The following PRDM16 variants were observed in gnomAD, a reference collection of about 807,000 sequenced individuals.
PRDM16 encodes the protein histone-lysine N-methyltransferase PRDM16.
PRDM16 carries 23 observed loss-of-function variants against 110.6 expected under a neutral mutation model. The ratio of observed to expected loss-of-function variants is 0.21; its 90% CI spans 0.15 to 0.29. The LOEUF is 0.29. Ranked by LOEUF, PRDM16 falls within the 10% of genes least tolerant of loss-of-function variation. PRDM16 has a pLI of 1.00. For missense variants in PRDM16, 1,615 were observed against 1,794.3 expected, an observed-to-expected ratio of 0.90 and a Z score of 1.81; for synonymous variants, 799 against 781.8, an observed-to-expected ratio of 1.02 and a Z score of -0.37.
chr1:3,266,172 C>T (rs1640284750), intron 3 of PRDM16, among the ~76,000 whole-genome samples: 1 of 152,218 alleles, frequency 6.6e-6, no homozygotes, highest in South Asian at 2.1e-4. Context: ...AAATGGGCTT[C>T]GCTCTTCAGC....
intron 3 of PRDM16, among the ~76,000 whole-genome samples, chr1:3,293,093 C>T (rs1255596680): frequency 1.3e-5 from 2 of 152,242 alleles, no homozygotes; most frequent in African/African-American, 2.4e-5. Flanking sequence ...GCAGGGACTG[C>T]ACCCTATTGA....
intron 3 of PRDM16, among the ~76,000 whole-genome samples, chr1:3,264,653 G>A (rs538139306): frequency 1.3e-5 from 2 of 150,158 alleles, no homozygotes; most frequent in African/African-American, 4.9e-5. Flanking sequence ...GGAGGAAAGG[G>A]GAGGGGCGTG....
rs1638843261 is a variant in PRDM16 at position 3,209,955 on chromosome 1, CGTA to C, written c.387+23483_387+23485del. On this transcript the variant is annotated intron_variant, in intron 2 of 16. Transcript: ENST00000270722. The surrounding 1 kb of genome is among the most constrained non-coding windows in gnomAD (Gnocchi z 4.6). Reference sequence around the variant, plus strand: ...AACTCTTACTTAACATGGAAAATATCGTAGCATTTTCTAGAGACATTTGCAGGA... The same window carrying C: ...AACTCTTACTTAACATGGAAAATATCGCATTTTCTAGAGACATTTGCAGGA... Among the ~76,000 whole-genome samples the C allele has an allele frequency of 6.6e-6, 1 of 152,184 alleles. No individual in the cohort carries two copies. Among genetic ancestry groups the C allele is most frequent in the South Asian group, 2.1e-4 (1 of 4,824 alleles).
chr1:3,095,821 C>T (rs1210345550), intron 1 of PRDM16, among the ~76,000 whole-genome samples: 1 of 151,990 alleles, frequency 6.6e-6, no homozygotes, highest in Non-Finnish European at 1.5e-5. Flanking sequence ...CTGGGGGCTG[C>T]TTGGGGTGCC....
At chr1:3,431,174 C>T in intron 15 of PRDM16, 66 bp downstream of exon 15, 3 of 1,517,648 alleles carry the variant, frequency 2.0e-6, no homozygotes, top group Admixed American at 2.0e-5. Context: ...ACGAGGGGGA[C>T]CTCCCTCTTC....
Position 3,361,509 on chromosome 1 carries a change from C to T in PRDM16, c.439-23643C>T, listed in dbSNP as rs146989260. Among the ~76,000 whole-genome samples, 9 of 152,374 alleles carry T rather than the reference C, an allele frequency of 5.9e-5. No homozygotes were observed. The East Asian group carries it at 7.7e-4, about 13-fold the overall frequency. On this transcript the variant is annotated intron_variant, in intron 3 of 16. Transcript: ENST00000270722. Reference sequence around the variant, plus strand: ...TACAAAGAAAAGGGTATCTGTGGAACGTGGCCCTGCTGTTCCTGCATGCCA... The same window carrying T: ...TACAAAGAAAAGGGTATCTGTGGAATGTGGCCCTGCTGTTCCTGCATGCCA...
chr1:3,224,755 C>A (rs1003867242), intron 2 of PRDM16, among the ~76,000 whole-genome samples: 2 of 152,222 alleles, frequency 1.3e-5, no homozygotes, highest in Non-Finnish European at 2.9e-5. Flanking sequence ...CAGGGGGAAC[C>A]CCTACTGTGA....
intron 2 of PRDM16, among the ~76,000 whole-genome samples, chr1:3,194,668 T>TGCCACCGTCTGATCGCCACAC (rs1638414746): frequency 2.2e-5 from 2 of 90,500 alleles, no homozygotes; most frequent in African/African-American, 3.7e-5. Flanking sequence ...CCCCGCCACA[T>TGCCACCGTCTGATCGCCACAC]GCCACCGTCT....
chr1:3,427,350 G>A (rs945002707), intron 14 of PRDM16, among the ~76,000 whole-genome samples: 23 of 152,310 alleles, frequency 1.5e-4, no homozygotes, highest in African/African-American at 3.8e-4. Flanking sequence ...AAGGGAAAAC[G>A]GGGCCCACAG....
chr1:3,124,932 G>T (rs527386140), intron 1 of PRDM16, among the ~76,000 whole-genome samples: 1 of 152,220 alleles, frequency 6.6e-6, no homozygotes, highest in African/African-American at 2.4e-5. Flanking sequence ...TACTGGAAGC[G>T]AGCAGCTGCA....
chr1:3,408,810 G>A (rs1363762115), intron 8 of PRDM16, among the ~76,000 whole-genome samples: 10 of 151,424 alleles, frequency 6.6e-5, no homozygotes, highest in South Asian at 2.1e-4. Flanking sequence ...GTGTGAGCGC[G>A]TGTGGGCGCG....
chr1:3,327,524 C>A (rs1287068828), intron 3 of PRDM16, among the ~76,000 whole-genome samples: 1 of 152,226 alleles, frequency 6.6e-6, no homozygotes, highest in African/African-American at 2.4e-5. Flanking sequence ...ATTCTGTTGC[C>A]CGGCAGAAAG....
At chr1:3,135,406 C>T (rs561974828) in intron 1 of PRDM16, among the ~76,000 whole-genome samples, 3 of 152,342 alleles carry the variant, frequency 2.0e-5, no homozygotes, top group African/African-American at 7.2e-5. Context: ...ACACAAGAGC[C>T]CACATTTCTT....
At chr1:3,084,935 G>T (rs945286861) in intron 1 of PRDM16, among the ~76,000 whole-genome samples, 4 of 152,190 alleles carry the variant, frequency 2.6e-5, no homozygotes, top group African/African-American at 9.6e-5. Flanking sequence ...GTGGAGAGGA[G>T]CTCAGCCGCG....
At chr1:3,349,855 GC>G (rs1557625783) in intron 3 of PRDM16, among the ~76,000 whole-genome samples, 1 of 152,196 alleles carries the variant, frequency 6.6e-6, no homozygotes, top group African/African-American at 2.4e-5. Context: ...AGCCTCCGCA[GC>G]CCCCGCAGCC....
intron 1 of PRDM16, among the ~76,000 whole-genome samples, chr1:3,101,334 A>G (rs1343857305): frequency 6.6e-6 from 1 of 152,224 alleles, no homozygotes; most frequent in Admixed American, 6.5e-5. Flanking sequence ...AGGGGAGATT[A>G]AAGCCCCAGG....
intron 3 of PRDM16, among the ~76,000 whole-genome samples, chr1:3,355,468 G>A (rs750665602): frequency 6.6e-6 from 1 of 152,322 alleles, no homozygotes; most frequent in South Asian, 2.1e-4. Flanking sequence ...GTCCCTACTG[G>A]TTGGTGCCAC....
At chr1:3,114,077 T>A (rs761243413) in intron 1 of PRDM16, among the ~76,000 whole-genome samples, 3 of 152,240 alleles carry the variant, frequency 2.0e-5, no homozygotes, top group Non-Finnish European at 2.9e-5. Context: ...AGTGTAGATT[T>A]GTATTTGCAT....
chr1:3,257,718 G>C lies in PRDM16; in HGVS notation c.438+13581G>C, dbSNP rs567010194. Reference sequence around the variant, plus strand: ...TTCATTCAACAAATACGCCTGCCTTGGGGTCTTGCAGGCTGGCGTTTGAAG... The same window carrying C: ...TTCATTCAACAAATACGCCTGCCTTCGGGTCTTGCAGGCTGGCGTTTGAAG... On this transcript the variant is annotated intron_variant, in intron 3 of 16. Coordinates refer to ENST00000270722, the MANE Select transcript of PRDM16 (RefSeq NM_022114.4). 5.3e-5 allele frequency among the ~76,000 whole-genome samples: 8 copies of C among 152,242 alleles called. 1 individual carries two copies. The South Asian group carries it at 1.7e-3, about 32-fold the overall frequency.
Sources: allele counts gnomAD v4.1 joint callset (sites outside exome capture counted in the v4.1 genomes callset), GRCh38; gene constraint gnomAD v4.1.1; non-coding constraint Gnocchi (gnomAD v3.1); transcripts MANE v1.5; gene names NCBI Gene and HGNC (gene_info 2026-07-23, HGNC 2026-07-21).